The following CRHR2 variants were observed in gnomAD, a reference collection of about 807,000 sequenced individuals.
CRHR2 encodes corticotropin-releasing hormone receptor 2.
In CRHR2, 53 loss-of-function variants were observed where a neutral mutation model predicts 57.9. The ratio of observed to expected loss-of-function variants is 0.92; its 90% CI spans 0.73 to 1.15. The LOEUF (loss-of-function observed/expected upper bound fraction) is 1.15. CRHR2 is among the 50% of genes most tolerant of loss of function. The pLI, the probability that CRHR2 is intolerant of heterozygous loss-of-function variation, is 0.00. For missense variants in CRHR2, 532 were observed against 542.6 expected (o/e 0.98, Z 0.19); for synonymous variants, 213 against 220.9 (o/e 0.96, Z 0.32).
chr7:30,662,227 GA>G lies in CRHR2; in HGVS notation c.698-12del. On this transcript the variant is annotated splice_polypyrimidine_tract_variant and intron_variant, in intron 6 of 11. Coordinates refer to ENST00000471646, the MANE Select transcript of CRHR2 (RefSeq NM_001883.5). Reference sequence around the variant, plus strand: ...TGGGGAAGGGGATGCCTGAAAGAAGGAAAGACTTGGGCTGCAGGGGACAGAT... The same window carrying G: ...TGGGGAAGGGGATGCCTGAAAGAAGGAAGACTTGGGCTGCAGGGGACAGAT... The G allele has an allele frequency of 6.2e-7, 1 of 1,614,110 alleles. No homozygotes were observed. The highest frequency in any genetic ancestry group is 1.1e-5 in the South Asian group (1 of 91,080).
chr7:30,673,839 A>G lies in CRHR2; in HGVS notation c.230-6526T>C, dbSNP rs2128145310. 1.3e-5 allele frequency among the ~76,000 whole-genome samples: 2 copies of G among 152,322 alleles called. 1 individual carries two copies. The highest frequency in any genetic ancestry group is 4.1e-4 in the South Asian group (2 of 4,826). On this transcript the variant is annotated intron_variant, in intron 2 of 11. Coordinates refer to ENST00000471646, the MANE Select transcript of CRHR2 (RefSeq NM_001883.5). ...AGCAAATTGGTGGTCAGAGGGGAAC[A>G]GGCAGCTGGTGATGTTCACCCAAGC...
intron 11 of CRHR2, among the ~76,000 whole-genome samples, chr7:30,654,511 C>T (rs776342034): frequency 6.6e-6 from 1 of 152,238 alleles, no homozygotes. Flanking sequence ...CCACCCCAGC[C>T]CAGGTACGAG....
chr7:30,676,057 C>A (rs1784505822), intron 2 of CRHR2, among the ~76,000 whole-genome samples: 1 of 152,178 alleles, frequency 6.6e-6, no homozygotes, highest in African/African-American at 2.4e-5. Context: ...GTTCCCAGAG[C>A]CAGCAGAGGC....
chr7:30,689,355 A>G, intron 1 of CRHR2: 3 of 1,226,740 alleles, frequency 2.4e-6, no homozygotes, highest in Middle Eastern at 1.9e-4. Context: ...GTCTGCCCCC[A>G]TCCTATCCTA....
chr7:30,653,500 C>T lies in CRHR2; in HGVS notation c.1196G>A (p.Arg399Gln), dbSNP rs143322026. 5.6e-6 allele frequency: 9 copies of T among 1,613,426 alleles called. No homozygotes were observed. Among genetic ancestry groups the T allele is most frequent in the Admixed American group, 1.7e-5 (1 of 59,972 alleles). The change falls in exon 12 of 12, where the codon CGG becomes CAG. Residue 399 changes from arginine to glutamine, a missense_variant. Transcript: ENST00000471646. The surrounding 1 kb of genome is among the most constrained non-coding windows in gnomAD (Gnocchi z 5.0). ...CTGCTTGATGCTGTGGAAGCTGATC[C>T]GTGTGGGTGATGTAGGGATGGACAT... is the stretch of plus-strand genomic sequence containing the variant. Reference protein sequence around the residue: ...RAMSIPTSPTRISFHSIKQTA... With the variant: ...RAMSIPTSPTQISFHSIKQTA...
At chr7:30,666,705 G>A (rs1400471024) in intron 3 of CRHR2, among the ~76,000 whole-genome samples, 1 of 152,266 alleles carries the variant, frequency 6.6e-6, no homozygotes, top group Non-Finnish European at 1.5e-5. Flanking sequence ...TTCAGGTCAG[G>A]AATGAGGCGT....
intron 1 of CRHR2, among the ~76,000 whole-genome samples, chr7:30,694,574 G>A (rs1785020567): frequency 6.6e-6 from 1 of 152,210 alleles, no homozygotes. Flanking sequence ...CATGTGTCCT[G>A]GGCCCAGGCT....
Position 30,655,972 on chromosome 7 carries a change from A to G in CRHR2, c.872T>C (p.Met291Thr), listed in dbSNP as rs753609927. 2.2e-5 allele frequency: 36 copies of G among 1,611,714 alleles called. No homozygotes were observed. Among genetic ancestry groups the G allele is most frequent in the Middle Eastern group, 1.6e-4 (1 of 6,070 alleles). ...TGTGGTGGACGCGCGTAACTTTGTC[A>G]TTAGGATCCTGACGATGTTGAACAG... Reference protein sequence around the residue: ...VFLFNIVRILMTKLRASTTSE... With the variant: ...VFLFNIVRILTTKLRASTTSE... Residue 291 changes from methionine to threonine, a missense_variant, in exon 9 of 12, where the codon ATG becomes ACG. Met to Thr is a moderately conservative substitution (Grantham distance 81, BLOSUM62 -1). Coordinates refer to ENST00000471646, the MANE Select transcript of CRHR2 (RefSeq NM_001883.5).
intron 2 of CRHR2, among the ~76,000 whole-genome samples, chr7:30,671,801 T>TGTGATGATGATGATGATGATGATGATG (rs1385203594): frequency 6.1e-5 from 7 of 115,472 alleles, no homozygotes; most frequent in African/African-American, 2.3e-4. Context: ...AGTGAGACCC[T>TGTGATGATGATGATGATGATGATGATG]GTGATGATGA....
rs1562791667 is a variant in CRHR2 at position 30,654,709 on chromosome 7, GCA to G, written c.1095+328_1095+329del. Reference sequence around the variant, plus strand: ...GAGTCCATACAGACCTGATTGCTTGGCACACATCTCTTTCTGGAAGCTTCCTT... The same window carrying G: ...GAGTCCATACAGACCTGATTGCTTGGCACATCTCTTTCTGGAAGCTTCCTT... On this transcript the variant is annotated intron_variant, in intron 11 of 11. Transcript: ENST00000471646. The G allele has an allele frequency of 7.8e-6, 12 of 1,536,134 alleles. No individual in the cohort carries two copies. The East Asian group carries it at 2.9e-4, about 38-fold the overall frequency.
chr7:30,669,323 G>A (rs775451971), intron 2 of CRHR2, among the ~76,000 whole-genome samples: 3 of 152,088 alleles, frequency 2.0e-5, no homozygotes, highest in Non-Finnish European at 4.4e-5. Context: ...CCACACTCCA[G>A]CCCTTGCCCC....
At chr7:30,674,961 A>C (rs964986252) in intron 2 of CRHR2, among the ~76,000 whole-genome samples, 37 of 152,084 alleles carry the variant, frequency 2.4e-4, no homozygotes, top group Non-Finnish European at 4.0e-4. Flanking sequence ...CCATGGCCCC[A>C]CGAGGTCAGC....
chr7:30,665,013 G>C lies in CRHR2; in HGVS notation c.543+57C>G. On this transcript the variant is annotated intron_variant, in intron 5 of 11. Coordinates refer to ENST00000471646, the MANE Select transcript of CRHR2 (RefSeq NM_001883.5). The surrounding 1 kb of genome is among the most constrained non-coding windows in gnomAD (Gnocchi z 4.5). ...AAGCAGAGACCAGACAGACAGATGG[G>C]TGCCCCCGGAGCCCAGAGCCCCCCA... 7.1e-7 allele frequency: 1 copy of C among 1,403,274 alleles called. No homozygotes were observed. Among genetic ancestry groups the C allele is most frequent in the Non-Finnish European group, 1.0e-6 (1 of 988,406 alleles). 86.9% of individuals were successfully genotyped at this position (1,403,274 alleles called of 1,614,324 possible). A position where few individuals can be genotyped will look rare whatever the true frequency, so the allele number is the denominator to read the frequency against.
At chr7:30,686,977 A>G (rs575294392), upstream of CRHR2, among the ~76,000 whole-genome samples, 17 of 152,262 alleles carry the variant, frequency 1.1e-4, no homozygotes, top group South Asian at 1.5e-3. Flanking sequence ...CTACCACCCA[A>G]TTGGAAACTA....
intron 2 of CRHR2, among the ~76,000 whole-genome samples, chr7:30,679,177 C>G (rs1784617297): frequency 6.6e-6 from 1 of 152,194 alleles, no homozygotes; most frequent in Non-Finnish European, 1.5e-5. Flanking sequence ...CCAACCTGTC[C>G]CCAGAAGTCC....
intron 2 of CRHR2, among the ~76,000 whole-genome samples, chr7:30,668,986 T>A (rs139032096): frequency 1.1e-3 from 169 of 152,344 alleles, no homozygotes; most frequent in African/African-American, 4.0e-3. Flanking sequence ...AGAGAAAGGT[T>A]ACCTCAACTC....
At chr7:30,688,687 T>C (rs1367783037) in intron 2 of CRHR2, 16 of 410,510 alleles carry the variant, frequency 3.9e-5, no homozygotes, top group Middle Eastern at 1.0e-3. Flanking sequence ...GACATCTCTC[T>C]GGAACCCAGC....
intron 1 of CRHR2, among the ~76,000 whole-genome samples, chr7:30,691,615 C>A (rs989272597): frequency 6.6e-6 from 1 of 152,216 alleles, no homozygotes; most frequent in Non-Finnish European, 1.5e-5. Context: ...CCATACTCTG[C>A]AACTGATGCT....
At chr7:30,684,130 C>T (rs1412455427), upstream of CRHR2, among the ~76,000 whole-genome samples, 2 of 152,350 alleles carry the variant, frequency 1.3e-5, no homozygotes, top group East Asian at 3.9e-4. Context: ...CAGCTCTGGG[C>T]AGCTGCAGAG....
Sources: allele counts gnomAD v4.1 joint callset (sites outside exome capture counted in the v4.1 genomes callset), GRCh38; gene constraint gnomAD v4.1.1; non-coding constraint Gnocchi (gnomAD v3.1); transcripts MANE v1.5; gene names NCBI Gene and HGNC (gene_info 2026-07-23, HGNC 2026-07-21).